DOCK2: variants seen among roughly 807,000 people sequenced by gnomAD.
The protein encoded by DOCK2 is dedicator of cytokinesis protein 2.
A neutral mutation model predicts 248.9 loss-of-function variants in DOCK2; 87 were observed. The ratio of observed to expected loss-of-function variants is 0.35; its 90% CI spans 0.29 to 0.42. DOCK2 has a LOEUF of 0.42. Ranked by LOEUF, DOCK2 falls within the 10% of genes least tolerant of loss-of-function variation. The pLI, the probability that DOCK2 is intolerant of heterozygous loss-of-function variation, is 1.00. For synonymous variants in DOCK2, 805 were observed against 821.6 expected (o/e 0.98, Z 0.35); for missense variants, 1,747 against 2,300.2 (o/e 0.76, Z 4.92).
chr5:169,739,943 C>CT (rs775823642), intron 22 of DOCK2, among the ~76,000 whole-genome samples: 2 of 152,232 alleles, frequency 1.3e-5, no homozygotes, highest in Non-Finnish European at 2.9e-5. Flanking sequence ...GTGCTTCTTT[C>CT]TATCCTTAGG....
chr5:170,055,219 G>T (rs1757080298), intron 41 of DOCK2, 86 bp from the exon 42 acceptor site: 1 of 1,345,236 alleles, frequency 7.4e-7, no homozygotes, highest in Non-Finnish European at 1.1e-6. Flanking sequence ...ATAAAGGCTG[G>T]CCTGGAAGGT....
At chr5:169,850,115 C>T (rs1212386114) in intron 27 of DOCK2, among the ~76,000 whole-genome samples, 1 of 152,222 alleles carries the variant, frequency 6.6e-6, no homozygotes, top group South Asian at 2.1e-4. Flanking sequence ...GAAGCATCCC[C>T]TCCACAGAAT....
At chr5:169,802,950 G>A in intron 25 of DOCK2, 108 bp from the exon 26 acceptor site, 1 of 1,307,444 alleles carries the variant, frequency 7.6e-7, no homozygotes, top group South Asian at 1.4e-5. Context: ...TTTACAAGGA[G>A]AATGTCTTCA....
intron 27 of DOCK2, among the ~76,000 whole-genome samples, chr5:169,927,980 T>C (rs1775556454): frequency 6.6e-6 from 1 of 152,134 alleles, no homozygotes; most frequent in Non-Finnish European, 1.5e-5. Flanking sequence ...TTCCTTGGGT[T>C]TCAGTAGGTG....
intron 6 of DOCK2, among the ~76,000 whole-genome samples, chr5:169,679,512 C>T (rs1474804631): frequency 6.6e-6 from 1 of 152,190 alleles, no homozygotes; most frequent in Non-Finnish European, 1.5e-5. Flanking sequence ...TTCTTCACAT[C>T]CCAAGATAGC....
chr5:170,052,589 GC>G (rs1756958208), intron 41 of DOCK2, among the ~76,000 whole-genome samples: 1 of 152,160 alleles, frequency 6.6e-6, no homozygotes, highest in African/African-American at 2.4e-5. Flanking sequence ...AATATGTGGG[GC>G]AGAGATGTAA....
At chr5:170,054,096 G>A (rs1359992921) in intron 41 of DOCK2, among the ~76,000 whole-genome samples, 1 of 152,228 alleles carries the variant, frequency 6.6e-6, no homozygotes, top group Non-Finnish European at 1.5e-5. Flanking sequence ...AGAGAGGGAT[G>A]CTGATAAGGG....
chr5:170,015,281 T>G (rs979251794), intron 32 of DOCK2, among the ~76,000 whole-genome samples: 1 of 152,180 alleles, frequency 6.6e-6, no homozygotes, highest in African/African-American at 2.4e-5. Flanking sequence ...TTTTATTATC[T>G]TCATCTTACA....
At chr5:169,711,337 T>C (rs534593140) in intron 15 of DOCK2, among the ~76,000 whole-genome samples, 2 of 152,280 alleles carry the variant, frequency 1.3e-5, no homozygotes, top group African/African-American at 4.8e-5. Flanking sequence ...GTGGTACCAG[T>C]GGGTCATTCA....
chr5:169,966,665 C>A (rs1261184858), intron 27 of DOCK2, among the ~76,000 whole-genome samples: 4 of 152,146 alleles, frequency 2.6e-5, no homozygotes, highest in Non-Finnish European at 5.9e-5. Context: ...GCAATCCTGG[C>A]ACACAGGGAC....
chr5:170,079,279 C>A (rs973941983), intron 49 of DOCK2, 133 bp downstream of exon 49: 2 of 1,274,676 alleles, frequency 1.6e-6, no homozygotes, highest in Non-Finnish European at 1.1e-6. Flanking sequence ...ATTGCAGAGG[C>A]GGCACCTGAG....
chr5:170,014,441 CAT>C (rs1380346031), intron 32 of DOCK2, among the ~76,000 whole-genome samples: 3 of 152,000 alleles, frequency 2.0e-5, no homozygotes, highest in South Asian at 2.1e-4. Flanking sequence ...TTATACTAAA[CAT>C]GTAATCAATA....
intron 27 of DOCK2, among the ~76,000 whole-genome samples, chr5:169,974,047 G>T (rs989058505): frequency 6.6e-6 from 1 of 152,144 alleles, no homozygotes; most frequent in African/African-American, 2.4e-5. Flanking sequence ...GACTTTTGAG[G>T]TATGGCTTAA....
In DOCK2 at chr5:169,993,548, T is replaced by TG. The variant is rs1778261228; in HGVS notation, c.2994-2538_2994-2537insG. ...GTAACAAAGCCAGAAATCACATCCA[T>TG]TTGTGTGTGTGTGTGTGTGTGTGTG... On this transcript the variant is annotated intron_variant, in intron 29 of 51. Coordinates refer to ENST00000520908, the MANE Select transcript of DOCK2 (RefSeq NM_004946.3). 3.3e-5 allele frequency among the ~76,000 whole-genome samples: 4 copies of TG among 120,190 alleles called. No homozygotes were observed. In the Admixed American group the frequency reaches 3.6e-4, roughly 11 times the overall value. The allele number at this position is 120,190 out of a possible 152,430, so 78.8% of individuals were successfully genotyped here.
chr5:169,692,724 A>AT (rs1487536180), intron 9 of DOCK2, among the ~76,000 whole-genome samples: 1 of 152,126 alleles, frequency 6.6e-6, no homozygotes, highest in East Asian at 1.9e-4. Context: ...AGAGAAATGT[A>AT]TTTTCTCACA....
chr5:170,057,024 CA>C, intron 43 of DOCK2: 1 of 481,086 alleles, frequency 2.1e-6, no homozygotes, highest in Admixed American at 3.7e-5. Context: ...GGCATTCAGG[CA>C]TTGCCAGCAC....
intron 2 of DOCK2, among the ~76,000 whole-genome samples, chr5:169,655,260 C>G (rs1286182190): frequency 6.6e-6 from 1 of 152,214 alleles, no homozygotes; most frequent in African/African-American, 2.4e-5. Flanking sequence ...TCCCTCCTAC[C>G]TGGGCCTGCT....
At chr5:170,044,732 G>A (rs1756639192) in intron 38 of DOCK2, among the ~76,000 whole-genome samples, 1 of 152,118 alleles carries the variant, frequency 6.6e-6, no homozygotes. Context: ...TCGGCACTTG[G>A]TTTTATTTAT....
intron 23 of DOCK2, among the ~76,000 whole-genome samples, chr5:169,748,168 C>CTTTTT (rs10688965): frequency 6.7e-6 from 1 of 148,154 alleles, no homozygotes; most frequent in African/African-American, 2.5e-5. Flanking sequence ...ATTGCTGCTG[C>CTTTTT]TTTTTTTTTT....
Sources: allele counts gnomAD v4.1 joint callset (sites outside exome capture counted in the v4.1 genomes callset), GRCh38; gene constraint gnomAD v4.1.1; transcripts MANE v1.5; gene names NCBI Gene and HGNC (gene_info 2026-07-23, HGNC 2026-07-21).